SGCZ: variants seen among roughly 807,000 people sequenced by gnomAD.
SGCZ encodes zeta-sarcoglycan.
A neutral mutation model predicts 41.3 loss-of-function variants in SGCZ; 40 were observed. The ratio of observed to expected loss-of-function variants is 0.97; its 90% CI spans 0.75 to 1.26. The LOEUF is 1.26. SGCZ is among the 50% of genes most tolerant of loss of function. SGCZ has a pLI of 0.00. For synonymous variants in SGCZ, 206 were observed against 137.5 expected, an observed-to-expected ratio of 1.50 and a Z score of -3.49; for missense variants, 552 against 369.8, an observed-to-expected ratio of 1.49 and a Z score of -4.04.
At chr8:15,151,013 C>T (rs1408852451) in intron 1 of SGCZ, among the ~76,000 whole-genome samples, 1 of 152,204 alleles carries the variant, frequency 6.6e-6, no homozygotes, top group Non-Finnish European at 1.5e-5. Context: ...AGTGGTGGAC[C>T]TATTGGCTTC....
At chr8:14,483,973 A>G (rs11986904) in intron 2 of SGCZ, among the ~76,000 whole-genome samples, 137,636 of 152,054 alleles carry the variant, frequency 0.91, 63,654 homozygotes, top group East Asian at 1. Flanking sequence ...TCTACTTGGC[A>G]TCCAGCCCAT....
At chr8:15,059,758 A>C (rs903861952) in intron 1 of SGCZ, among the ~76,000 whole-genome samples, 1 of 152,240 alleles carries the variant, frequency 6.6e-6, no homozygotes, top group Non-Finnish European at 1.5e-5. Flanking sequence ...TAAACCAGTT[A>C]GCACGTTTTG....
intron 1 of SGCZ, among the ~76,000 whole-genome samples, chr8:14,556,122 A>T (rs1804027983): frequency 6.6e-6 from 1 of 151,872 alleles, no homozygotes; most frequent in Admixed American, 6.6e-5. Flanking sequence ...AACAATATGA[A>T]TAAGCACTGA....
chr8:14,996,461 G>T (rs1221815011), intron 1 of SGCZ, among the ~76,000 whole-genome samples: 2 of 152,094 alleles, frequency 1.3e-5, no homozygotes, highest in East Asian at 1.9e-4. Flanking sequence ...GAGTGTAATG[G>T]TGCAATCACA....
At position 14,674,928 on chromosome 8, in the gene SGCZ, G is replaced by GTTTTTTTT. The variant is rs201881681; in HGVS notation, c.40-120010_40-120003dup. Among the ~76,000 whole-genome samples, 18 of 71,014 alleles carry GTTTTTTTT rather than the reference G, an allele frequency of 2.5e-4. 1 individual carries two copies. The highest frequency in any genetic ancestry group is 4.9e-4 in the East Asian group (1 of 2,056). The allele number at this position is 71,014 out of a possible 152,430, so 46.6% of individuals were successfully genotyped here. A position where few individuals can be genotyped will look rare whatever the true frequency, so the allele number is the denominator to read the frequency against. On this transcript the variant is annotated intron_variant, in intron 1 of 7. Transcript: ENST00000382080. ...GCCAATTTAACCTCTTTTCTTTTCT[G>GTTTTTTTT]TTTTTTTTTTTTTTTTTTTTTTTTT...
At chr8:14,608,569 G>A (rs995352549) in intron 1 of SGCZ, among the ~76,000 whole-genome samples, 11 of 152,086 alleles carry the variant, frequency 7.2e-5, no homozygotes, top group African/African-American at 2.7e-4. Flanking sequence ...ACTCATTACC[G>A]TGGGGAAGGC....
At chr8:15,006,415 A>G (rs1802607767) in intron 1 of SGCZ, among the ~76,000 whole-genome samples, 1 of 152,202 alleles carries the variant, frequency 6.6e-6, no homozygotes, top group African/African-American at 2.4e-5. Context: ...AAAAGGATTT[A>G]AATAATAATT....
At chr8:14,916,356 G>C (rs1206565426) in intron 1 of SGCZ, among the ~76,000 whole-genome samples, 2 of 152,098 alleles carry the variant, frequency 1.3e-5, no homozygotes, top group South Asian at 4.1e-4. Flanking sequence ...CGAAGTTTCA[G>C]CACCTCAAAT....
intron 1 of SGCZ, among the ~76,000 whole-genome samples, chr8:14,700,320 C>G (rs897225294): frequency 4.0e-5 from 6 of 151,880 alleles, no homozygotes; most frequent in African/African-American, 1.5e-4. Flanking sequence ...ATGGATGCAG[C>G]TAGAGGCCAT....
chr8:14,387,992 T>C (rs1585438227), intron 2 of SGCZ, among the ~76,000 whole-genome samples: 1 of 152,098 alleles, frequency 6.6e-6, no homozygotes, highest in East Asian at 1.9e-4. Flanking sequence ...TTGTGATTAA[T>C]CATACACAAT....
At chr8:14,344,035 A>G (rs1802805120) in intron 2 of SGCZ, among the ~76,000 whole-genome samples, 1 of 152,188 alleles carries the variant, frequency 6.6e-6, no homozygotes, top group Non-Finnish European at 1.5e-5. Context: ...AAAAAGAATT[A>G]AATGGAAATT....
At chr8:14,213,851 T>C (rs760662801) in intron 4 of SGCZ, among the ~76,000 whole-genome samples, 1 of 152,132 alleles carries the variant, frequency 6.6e-6, no homozygotes, top group Non-Finnish European at 1.5e-5. Context: ...AAAAAAGTTA[T>C]GTCAGTTGTG....
chr8:14,367,386 C>T (rs1451845233), intron 2 of SGCZ, among the ~76,000 whole-genome samples: 1 of 152,076 alleles, frequency 6.6e-6, no homozygotes, highest in Non-Finnish European at 1.5e-5. Flanking sequence ...AAACTCTTTG[C>T]CTGTTAGTTC....
At chr8:15,027,057 C>T (rs1005162240) in intron 1 of SGCZ, among the ~76,000 whole-genome samples, 2 of 152,194 alleles carry the variant, frequency 1.3e-5, no homozygotes, top group Non-Finnish European at 2.9e-5. Flanking sequence ...GAAATGAAGT[C>T]TCAACTGCCT....
intron 5 of SGCZ, among the ~76,000 whole-genome samples, chr8:14,135,796 T>C (rs1803178596): frequency 6.6e-6 from 1 of 152,214 alleles, no homozygotes; most frequent in South Asian, 2.1e-4. Flanking sequence ...ACTAGTTTTA[T>C]ACTAACTAGT....
At chr8:15,006,194 A>G (rs1365672950) in intron 1 of SGCZ, among the ~76,000 whole-genome samples, 1 of 152,206 alleles carries the variant, frequency 6.6e-6, no homozygotes, top group Non-Finnish European at 1.5e-5. Flanking sequence ...GTGGAAGAAT[A>G]CCCTAAAAAT....
intron 4 of SGCZ, among the ~76,000 whole-genome samples, chr8:14,165,566 C>G (rs151301219): frequency 1.7e-4 from 26 of 152,180 alleles, no homozygotes; most frequent in African/African-American, 6.3e-4. Flanking sequence ...GTCCAAATTT[C>G]TTTGGACATA....
At chr8:14,926,019 C>A (rs1432323361) in intron 1 of SGCZ, among the ~76,000 whole-genome samples, 1 of 152,086 alleles carries the variant, frequency 6.6e-6, no homozygotes, top group Non-Finnish European at 1.5e-5. Context: ...CTCAGTGAGT[C>A]TTAAAGTTAA....
At chr8:14,114,581 G>A (rs1802467340) in intron 5 of SGCZ, among the ~76,000 whole-genome samples, 1 of 151,880 alleles carries the variant, frequency 6.6e-6, no homozygotes, top group African/African-American at 2.4e-5. Flanking sequence ...ACTCTTGGAT[G>A]CCAAATAATA....
Sources: gnomAD v4.1 joint callset for allele counts (sites outside exome capture counted in the v4.1 genomes callset) on GRCh38, gnomAD v4.1.1 for gene constraint, MANE v1.5 for transcripts, NCBI Gene and HGNC (gene_info 2026-07-23, HGNC 2026-07-21) for gene names.